The following FMN1 variants were observed in gnomAD, a reference collection of about 807,000 sequenced individuals.
FMN1 encodes formin 1, also known as formin-1.
A neutral mutation model predicts 132.4 loss-of-function variants in FMN1; 110 were observed. That is an observed-to-expected ratio of 0.83 (90% confidence interval 0.71 to 0.97). The LOEUF (loss-of-function observed/expected upper bound fraction) is 0.97, where lower values mean the gene tolerates loss of function less well. FMN1 is among the 50% of genes least tolerant of loss of function. The pLI is 0.00. For synonymous variants in FMN1, 722 were observed against 651.7 expected (o/e 1.11, Z -1.64); for missense variants, 1,792 against 1,705.3 (o/e 1.05, Z -0.90).
At chr15:32,973,576 A>ACC (rs137961612) in intron 7 of FMN1, among the ~76,000 whole-genome samples, 6,159 of 146,940 alleles carry the variant, frequency 0.042, 165 homozygotes, top group Middle Eastern at 0.085. Context: ...TCTGCCCCTC[A>ACC]CCCCCCCCAA....
In FMN1 at chr15:33,047,156, T is replaced by C. The variant is rs1288942097; in HGVS notation, c.2161+17801A>G. Among the ~76,000 whole-genome samples the C allele has an allele frequency of 3.3e-5, 5 of 152,372 alleles. No individual in the cohort carries two copies. The East Asian group carries it at 9.6e-4, about 29-fold the overall frequency. The stretch of plus-strand genomic sequence containing the variant: ...ATGAGTACTTTCTGGTTAATGTCTG[T>C]GTGGCCTTTACCATTTGCTGATTCT... On this transcript the variant is annotated intron_variant, in intron 6 of 20. Coordinates refer to ENST00000616417, the MANE Select transcript of FMN1 (RefSeq NM_001277313.2).
chr15:32,901,804 C>T, intron 13 of FMN1, 107 bp downstream of exon 13: 1 of 826,326 alleles, frequency 1.2e-6, no homozygotes, highest in Non-Finnish European at 1.7e-6. Flanking sequence ...GAAAAACATA[C>T]AATCTGAGTC....
At chr15:32,888,074 C>T (rs2059936687) in intron 16 of FMN1, 98 bp downstream of exon 16, 6 of 1,058,616 alleles carry the variant, frequency 5.7e-6, no homozygotes, top group Non-Finnish European at 7.9e-6. Context: ...GAACTCTGCA[C>T]CAATCCCACT....
chr15:33,085,542 A>G (rs2141344652), intron 5 of FMN1, among the ~76,000 whole-genome samples: 1 of 149,730 alleles, frequency 6.7e-6, no homozygotes, highest in South Asian at 2.1e-4. Flanking sequence ...ATTTATACAT[A>G]TATTAAAATT....
chr15:32,792,942 T>C (rs1567174895), intron 19 of FMN1, among the ~76,000 whole-genome samples: 1 of 152,220 alleles, frequency 6.6e-6, no homozygotes, highest in Non-Finnish European at 1.5e-5. Flanking sequence ...AAATTGATTT[T>C]TCCTTTGTTT....
intron 6 of FMN1, among the ~76,000 whole-genome samples, chr15:33,049,824 G>A (rs766618121): frequency 1.2e-4 from 19 of 152,132 alleles, no homozygotes; most frequent in Non-Finnish European, 2.2e-4. Flanking sequence ...TTTTCTGTAC[G>A]TCACTTTCCT....
chr15:32,961,031 T>C (rs2030470366), intron 9 of FMN1, among the ~76,000 whole-genome samples: 1 of 144,968 alleles, frequency 6.9e-6, no homozygotes, highest in Non-Finnish European at 1.5e-5. Flanking sequence ...GCAGGGTTGA[T>C]GGTATCATTC....
At chr15:32,968,216 G>T (rs983581203) in intron 8 of FMN1, among the ~76,000 whole-genome samples, 1 of 152,238 alleles carries the variant, frequency 6.6e-6, no homozygotes, top group Admixed American at 6.5e-5. Context: ...CTGATCTAAA[G>T]AACTAATAAC....
intron 4 of FMN1, among the ~76,000 whole-genome samples, chr15:33,115,202 GGA>G (rs1454784155): frequency 1.3e-5 from 2 of 152,142 alleles, no homozygotes; most frequent in Admixed American, 1.3e-4. Flanking sequence ...AGTGTTAAAA[GGA>G]GAGTACTTAA....
intron 4 of FMN1, among the ~76,000 whole-genome samples, chr15:33,097,292 A>G (rs1426547015): frequency 6.8e-6 from 1 of 146,716 alleles, no homozygotes; most frequent in Non-Finnish European, 1.5e-5. Context: ...TGACAGAGTG[A>G]GACCCTGTCT....
chr15:33,047,962 G>A (rs896596235), intron 6 of FMN1, among the ~76,000 whole-genome samples: 34 of 152,080 alleles, frequency 2.2e-4, no homozygotes, highest in Non-Finnish European at 3.7e-4. Flanking sequence ...ATATGTGCGC[G>A]TGTGTAATCT....
intron 4 of FMN1, among the ~76,000 whole-genome samples, chr15:33,099,767 G>T (rs906111424): frequency 6.6e-6 from 1 of 152,120 alleles, no homozygotes; most frequent in African/African-American, 2.4e-5. Flanking sequence ...TTCTCTAAAA[G>T]TCATCTAGTT....
chr15:33,052,943 C>T (rs1419954621), intron 6 of FMN1, among the ~76,000 whole-genome samples: 1 of 152,026 alleles, frequency 6.6e-6, no homozygotes, highest in Non-Finnish European at 1.5e-5. Context: ...CCATAAAATG[C>T]CCCAGACCCA....
intron 7 of FMN1, among the ~76,000 whole-genome samples, chr15:32,973,021 T>G (rs1272048992): frequency 6.6e-6 from 1 of 152,210 alleles, no homozygotes; most frequent in Non-Finnish European, 1.5e-5. Flanking sequence ...TGTTATTGAT[T>G]TCTCTTGTCA....
intron 7 of FMN1, among the ~76,000 whole-genome samples, chr15:32,973,775 T>G (rs1235769811): frequency 6.6e-6 from 1 of 152,206 alleles, no homozygotes; most frequent in African/African-American, 2.4e-5. Context: ...CTATTACAAA[T>G]GAAGCATCTC....
At chr15:32,973,335 G>C (rs1217516061) in intron 7 of FMN1, among the ~76,000 whole-genome samples, 1 of 152,058 alleles carries the variant, frequency 6.6e-6, no homozygotes, top group African/African-American at 2.4e-5. Context: ...ATGCATCTGG[G>C]TCTTTGCAAA....
At chr15:33,194,516 A>C (rs1352164372) in intron 1 of FMN1, 62 bp downstream of exon 1, 1 of 152,938 alleles carries the variant, frequency 6.5e-6, no homozygotes, top group Non-Finnish European at 1.5e-5. Flanking sequence ...CGGAGCAGGC[A>C]GCCTTTGGTC....
intron 9 of FMN1, among the ~76,000 whole-genome samples, chr15:32,937,948 C>T (rs1300880755): frequency 6.6e-6 from 1 of 152,136 alleles, no homozygotes; most frequent in African/African-American, 2.4e-5. Context: ...TGGTTCAGTA[C>T]AACCCAAGAC....
rs1468243758 is a variant in FMN1 at position 33,153,981 on chromosome 15, C to A, written c.934G>T (p.Glu312Ter). Residue 312 changes from glutamate (E) to a stop codon, truncating the protein, a stop_gained, in exon 4 of 21, where the codon GAG (glutamate) becomes TAG (stop). Coordinates refer to ENST00000616417, the MANE Select transcript of FMN1 (RefSeq NM_001277313.2). LOFTEE classifies it high-confidence loss of function. The stretch of plus-strand genomic sequence containing the variant: ...GTCCGCTTAGCCGGCTTCTCCATCT[C>A]ATCCTTTTCTGCCTCTGGATGCTTC... The part of the protein sequence containing the change: ...PEKHPEAEKD[E>*]MEKPAKRTCK... 6.5e-7 allele frequency: 1 copy of A among 1,536,750 alleles called. No individual in the cohort carries two copies. The highest frequency in any genetic ancestry group is 8.7e-7 in the Non-Finnish European group (1 of 1,147,056).
Sources: gnomAD v4.1 joint callset for allele counts (sites outside exome capture counted in the v4.1 genomes callset) on GRCh38, gnomAD v4.1.1 for gene constraint, MANE v1.5 for transcripts, NCBI Gene and HGNC (gene_info 2026-07-23, HGNC 2026-07-21) for gene names.